CNBD1: variants seen among roughly 807,000 people sequenced by gnomAD.
The protein encoded by CNBD1 is cyclic nucleotide binding domain containing 1.
Under a neutral mutation model 54.4 loss-of-function variants are expected in CNBD1, and 71 were observed. That is an observed-to-expected ratio of 1.30 (90% confidence interval 1.08 to 1.59). The LOEUF (loss-of-function observed/expected upper bound fraction) is 1.59. CNBD1 is among the 40% of genes most tolerant of loss of function. The pLI, the probability that CNBD1 is intolerant of heterozygous loss-of-function variation, is 0.00. For synonymous variants in CNBD1, 182 were observed against 170.7 expected (o/e 1.07, Z -0.51); for missense variants, 659 against 518.0 (o/e 1.27, Z -2.64).
intron 4 of CNBD1, among the ~76,000 whole-genome samples, chr8:87,057,986 C>T (rs1344143848): frequency 6.6e-6 from 1 of 152,066 alleles, no homozygotes; most frequent in East Asian, 1.9e-4. Flanking sequence ...GTCCCTTTTG[C>T]TTATGAGCCT....
At chr8:87,385,143 G>C (rs1275014014), downstream of CNBD1, among the ~76,000 whole-genome samples, 1 of 152,124 alleles carries the variant, frequency 6.6e-6, no homozygotes, top group Non-Finnish European at 1.5e-5. Flanking sequence ...TGGGGGTGGA[G>C]CCAAGATGCC....
chr8:87,228,000 A>G (rs949136050), intron 5 of CNBD1, among the ~76,000 whole-genome samples: 3 of 151,234 alleles, frequency 2.0e-5, no homozygotes, highest in Admixed American at 6.6e-5. Context: ...TTCATTTTCC[A>G]TCACTGATAC....
At chr8:87,042,251 G>C (rs1270091609) in intron 4 of CNBD1, among the ~76,000 whole-genome samples, 1 of 152,146 alleles carries the variant, frequency 6.6e-6, no homozygotes, top group Admixed American at 6.5e-5. Flanking sequence ...ATATCCCAGT[G>C]GAGAAATTGC....
intron 4 of CNBD1, among the ~76,000 whole-genome samples, chr8:86,942,798 T>C (rs1807364127): frequency 6.6e-6 from 1 of 152,214 alleles, no homozygotes; most frequent in Non-Finnish European, 1.5e-5. Context: ...TTTAGTAACA[T>C]CATCAGTCTA....
intron 2 of CNBD1, among the ~76,000 whole-genome samples, chr8:87,413,675 GAAA>G (rs1207554212): frequency 9.9e-5 from 15 of 151,794 alleles, no homozygotes; most frequent in African/African-American, 3.4e-4. Context: ...AAATTTACAA[GAAA>G]AAAACAAGCA....
intron 4 of CNBD1, among the ~76,000 whole-genome samples, chr8:87,008,360 G>A (rs1223318048): frequency 6.6e-6 from 1 of 152,100 alleles, no homozygotes; most frequent in Non-Finnish European, 1.5e-5. Flanking sequence ...ACTAAATATG[G>A]GAATCTGGAA....
chr8:87,217,535 A>G (rs1814237982), intron 5 of CNBD1, among the ~76,000 whole-genome samples: 1 of 151,400 alleles, frequency 6.6e-6, no homozygotes, highest in South Asian at 2.1e-4. Flanking sequence ...TTGCATAACA[A>G]TTATTGGTGA....
intron 8 of CNBD1, among the ~76,000 whole-genome samples, chr8:87,300,255 A>G (rs1029208380): frequency 2.0e-5 from 3 of 152,176 alleles, no homozygotes; most frequent in Admixed American, 1.3e-4. Context: ...TTTTAACAAA[A>G]TATTTGTGTC....
intron 4 of CNBD1, among the ~76,000 whole-genome samples, chr8:86,970,975 G>T (rs1472173829): frequency 6.6e-6 from 1 of 152,122 alleles, no homozygotes; most frequent in Non-Finnish European, 1.5e-5. Flanking sequence ...ACAGATTACA[G>T]TTCTTTGCCA....
intron 3 of CNBD1, among the ~76,000 whole-genome samples, chr8:86,933,108 C>A (rs1177855312): frequency 6.6e-6 from 1 of 152,102 alleles, no homozygotes; most frequent in Non-Finnish European, 1.5e-5. Flanking sequence ...AAGAGTGATG[C>A]CTTTTGTCCT....
At chr8:87,301,907 C>T (rs201625636) in intron 8 of CNBD1, among the ~76,000 whole-genome samples, 16 of 152,130 alleles carry the variant, frequency 1.1e-4, no homozygotes, top group East Asian at 1.9e-4. Context: ...ATAAATTCCT[C>T]GACACATATA....
intron 4 of CNBD1, among the ~76,000 whole-genome samples, chr8:87,139,701 G>A (rs772622834): frequency 1.2e-4 from 18 of 152,216 alleles, no homozygotes; most frequent in Middle Eastern, 3.4e-3. Context: ...CAACCAAGCC[G>A]AAGGACCGGA....
chr8:87,280,292 T>G (rs4961020), intron 6 of CNBD1, among the ~76,000 whole-genome samples: 56,026 of 151,398 alleles, frequency 0.37, 11,595 homozygotes, highest in Non-Finnish European at 0.47. Context: ...AAAAATAATT[T>G]TTTTCAATCT....
At chr8:87,122,499 T>G (rs1811909813) in intron 4 of CNBD1, among the ~76,000 whole-genome samples, 1 of 151,872 alleles carries the variant, frequency 6.6e-6, no homozygotes, top group Non-Finnish European at 1.5e-5. Context: ...GCCTCTTCAG[T>G]CTGTTAATTA....
intron 8 of CNBD1, among the ~76,000 whole-genome samples, chr8:87,313,019 G>GT (rs1809301912): frequency 6.6e-6 from 1 of 151,956 alleles, no homozygotes; most frequent in Non-Finnish European, 1.5e-5. Context: ...TTTTCATTAT[G>GT]TAATTTTGGC....
rs541398429 is a variant in CNBD1 at position 87,257,926 on chromosome 8, G to A, written c.771+20814G>A. Among the ~76,000 whole-genome samples the A allele has an allele frequency of 5.3e-5, 8 of 149,608 alleles. 1 individual carries two copies. The Middle Eastern group carries it at 0.01, about 192-fold the overall frequency. ...CTATGGTGTACAATAACATAATAAC[G>A]TTAATTATGATTGACAGCATATACT... On this transcript the variant is annotated intron_variant, in intron 6 of 10. Coordinates refer to ENST00000518476, the MANE Select transcript of CNBD1 (RefSeq NM_173538.3).
chr8:87,142,873 C>T (rs544786226), intron 4 of CNBD1, among the ~76,000 whole-genome samples: 4 of 138,686 alleles, frequency 2.9e-5, no homozygotes, highest in Non-Finnish European at 6.2e-5. Flanking sequence ...GTGAGATTTT[C>T]GTGTGTCTGT....
intron 6 of CNBD1, among the ~76,000 whole-genome samples, chr8:87,267,425 T>A (rs1291618407): frequency 1.3e-5 from 2 of 152,176 alleles, no homozygotes; most frequent in Non-Finnish European, 1.5e-5. Context: ...TTGGAGGTGT[T>A]CCTACTGCTG....
intron 10 of CNBD1, among the ~76,000 whole-genome samples, chr8:87,361,992 A>C (rs1196493999): frequency 6.6e-6 from 1 of 152,078 alleles, no homozygotes; most frequent in Admixed American, 6.6e-5. Flanking sequence ...TTTTAATTCC[A>C]CTATCCTGGC....
Sources: allele counts gnomAD v4.1 joint callset (sites outside exome capture counted in the v4.1 genomes callset), GRCh38; gene constraint gnomAD v4.1.1; transcripts MANE v1.5; gene names NCBI Gene and HGNC (gene_info 2026-07-23, HGNC 2026-07-21).